Variants in MAPK13 observed in about 807,000 individuals in gnomAD.
MAPK13 encodes the protein MAP kinase 13.
MAPK13 carries 39 observed loss-of-function variants against 53.5 expected under a neutral mutation model. That is an observed-to-expected ratio of 0.73 (90% confidence interval 0.56 to 0.95). The LOEUF is 0.95. MAPK13 is among the 40% of genes least tolerant of loss of function. The probability of loss-of-function intolerance (pLI) is 0.00; values close to 1 mark genes in which losing one functional copy is unlikely to be tolerated. For missense variants in MAPK13, 460 were observed against 471.8 expected (o/e 0.98, Z 0.23); for synonymous variants, 179 against 190.9 (o/e 0.94, Z 0.51).
At position 36,139,854 on chromosome 6, in the gene MAPK13, T is replaced by C. The variant is rs1766501254; in HGVS notation, c.*481T>C. Reference sequence around the variant, plus strand: ...GAATCCTTCCTTGGCTCTTTTTAGCTTGTGGCGGCAGTGGGCAGTCCGTGG... The same window carrying C: ...GAATCCTTCCTTGGCTCTTTTTAGCCTGTGGCGGCAGTGGGCAGTCCGTGG... On this transcript the variant is annotated 3_prime_UTR_variant, in exon 12 of 12. Transcript: ENST00000211287. 6.2e-6 allele frequency: 1 copy of C among 161,144 alleles called. No homozygotes were observed. Among genetic ancestry groups the C allele is most frequent in the Admixed American group, 6.0e-5 (1 of 16,612 alleles). The allele number at this position is 161,144 out of a possible 1,614,324, so 10.0% of individuals were successfully genotyped here. A position where few individuals can be genotyped will look rare whatever the true frequency, so the allele number is the denominator to read the frequency against.
At chr6:36,139,185 G>A in intron 11 of MAPK13, 109 bp from the exon 12 acceptor site, 2 of 1,413,720 alleles carry the variant, frequency 1.4e-6, no homozygotes, top group Non-Finnish European at 2.0e-6. Flanking sequence ...TCTCCTGGGT[G>A]CTTCTTTCTC....
chr6:36,137,994 AATG>A (rs1029493930), intron 8 of MAPK13, among the ~76,000 whole-genome samples: 54 of 152,138 alleles, frequency 3.5e-4, no homozygotes, highest in Non-Finnish European at 5.4e-4. Flanking sequence ...AGATAAGCAA[AATG>A]ATGAAAAATT....
intron 3 of MAPK13, among the ~76,000 whole-genome samples, chr6:36,135,221 T>C (rs1766393410): frequency 6.6e-6 from 1 of 152,178 alleles, no homozygotes; most frequent in Non-Finnish European, 1.5e-5. Flanking sequence ...TTGCTGGCCT[T>C]ATCCTGTTGT....
chr6:36,134,143 C>T (rs919129165), intron 3 of MAPK13, among the ~76,000 whole-genome samples: 5 of 152,080 alleles, frequency 3.3e-5, no homozygotes, highest in African/African-American at 4.8e-5. Context: ...GTGGTTCTAG[C>T]ACAGAGAGGC....
chr6:36,140,124 T>TAGGAA lies in MAPK13; in HGVS notation c.*751_*752insAGGAA, dbSNP rs1766506358. The stretch of plus-strand genomic sequence containing the variant: ...CAGCTGGGAGGGAGGGGCCCCTTCC[T>TAGGAA]GGGCCCCGTGCTGAGGCCTTGTGCT... On this transcript the variant is annotated 3_prime_UTR_variant, in exon 12 of 12. Coordinates refer to ENST00000211287, the MANE Select transcript of MAPK13 (RefSeq NM_002754.5). The TAGGAA allele has an allele frequency of 6.6e-6, 1 of 152,276 alleles. No individual in the cohort carries two copies. The highest frequency in any genetic ancestry group is 2.4e-5 in the African/African-American group (1 of 41,478). The allele number at this position is 152,276 out of a possible 1,614,324, so 9.4% of individuals were successfully genotyped here.
Position 36,136,477 on chromosome 6 carries a change from C to G in MAPK13, c.448-7C>G, listed in dbSNP as rs1461004396. The G allele has an allele frequency of 6.3e-7, 1 of 1,587,034 alleles. No homozygotes were observed. Among genetic ancestry groups the G allele is most frequent in the African/African-American group, 1.4e-5 (1 of 73,876 alleles). On this transcript the variant is annotated splice_polypyrimidine_tract_variant and splice_region_variant and intron_variant, in intron 5 of 11. Coordinates refer to ENST00000211287, the MANE Select transcript of MAPK13 (RefSeq NM_002754.5). ...AGCCTAGCATGCATTCTCTGTCCTC[C>G]CCCCAGGACCTGAAGCCAGGCAACC...
intron 8 of MAPK13, 82 bp from the exon 9 acceptor site, chr6:36,138,283 G>C: frequency 1.9e-6 from 2 of 1,032,888 alleles, no homozygotes; most frequent in South Asian, 1.3e-5. Context: ...CATGGTGCCC[G>C]GGTGAAGTGA....
intron 2 of MAPK13, 137 bp from the exon 3 acceptor site, chr6:36,132,484 G>A (rs2127485794): frequency 1.4e-6 from 1 of 729,978 alleles, no homozygotes; most frequent in Non-Finnish European, 2.4e-6. Context: ...CTGCTTCCAA[G>A]AAGGTTGGAG....
At chr6:36,135,367 G>T (rs1766395523) in intron 3 of MAPK13, among the ~76,000 whole-genome samples, 1 of 152,306 alleles carries the variant, frequency 6.6e-6, no homozygotes, top group East Asian at 1.9e-4. Context: ...ATGACCCTCT[G>T]AGGGATCAAA....
At chr6:36,131,477 G>C (rs1766322513) in intron 2 of MAPK13, 77 bp downstream of exon 2, 4 of 1,436,354 alleles carry the variant, frequency 2.8e-6, no homozygotes, top group Non-Finnish European at 3.8e-6. Flanking sequence ...GGGCCTCCCG[G>C]TATGGAGAGC....
chr6:36,138,868 T>C lies in MAPK13; in HGVS notation c.842-11T>C, dbSNP rs376114126. The C allele has an allele frequency of 1.9e-6, 3 of 1,610,886 alleles. No homozygotes were observed. In the African/African-American group the frequency reaches 4.0e-5, roughly 22 times the overall value. On this transcript the variant is annotated splice_polypyrimidine_tract_variant and intron_variant, in intron 10 of 11. Transcript: ENST00000211287. ...GCCCCTGGTGTGAGGCTCTTGGCTC[T>C]GCCCCTGCAGCTGCGGACCTGCTGG...
intron 5 of MAPK13, 55 bp from the exon 6 acceptor site, chr6:36,136,429 A>G (rs1766417790): frequency 6.9e-7 from 1 of 1,443,088 alleles, no homozygotes; most frequent in Non-Finnish European, 9.4e-7. Flanking sequence ...TGGTGGAGCT[A>G]GGACAAGCTC....
rs1169484647 is a variant in MAPK13, at chr6:36,142,039, G to C, written c.*2666G>C. 2.0e-5 allele frequency: 3 copies of C among 152,382 alleles called. No individual in the cohort carries two copies. The highest frequency in any genetic ancestry group is 7.2e-5 in the African/African-American group (3 of 41,434). 9.4% of individuals were successfully genotyped at this position (152,382 alleles called of 1,614,324 possible). On this transcript the variant is annotated 3_prime_UTR_variant, in exon 12 of 12. Transcript: ENST00000211287. The surrounding 1 kb of genome is among the most constrained non-coding windows in gnomAD (Gnocchi z 4.4). ...CTCACTGCCCCAAGGAAAAAGTCTA[G>C]CCTTCCTTCTTGGCCTGGCATTCAA...
intron 1 of MAPK13, 127 bp from the exon 2 acceptor site, chr6:36,131,144 C>A: frequency 8.9e-7 from 1 of 1,123,118 alleles, no homozygotes; most frequent in East Asian, 2.7e-5. Context: ...TCCCGCGGCT[C>A]CCCCATATTC....
Position 36,130,708 on chromosome 6 carries a change from C to T in MAPK13, c.119+7C>T, listed in dbSNP as rs763734482. On this transcript the variant is annotated splice_region_variant and intron_variant, in intron 1 of 11. Transcript: ENST00000211287. This position sits in a 1 kb window ranked among gnomAD's most constrained non-coding sequence, Gnocchi z 4.5. ...GGGCCTATGGCTCCGTGTGGTGAGA[C>T]CCCTGGGCCGCTGGGGGGCGGGGGG... The T allele has an allele frequency of 4.0e-5, 52 of 1,303,290 alleles. No homozygotes were observed. Among genetic ancestry groups the T allele is most frequent in the Non-Finnish European group, 5.3e-5 (51 of 958,144 alleles). The allele number at this position is 1,303,290 out of a possible 1,614,324, so 80.7% of individuals were successfully genotyped here.
At chr6:36,131,428 G>C (rs1436049847) in intron 2 of MAPK13, 28 bp downstream of exon 2, 1 of 1,601,264 alleles carries the variant, frequency 6.2e-7, no homozygotes, top group South Asian at 1.1e-5. Flanking sequence ...CGGGGAGGGG[G>C]TGGGGGCTGC....
chr6:36,138,933 C>G lies in MAPK13; in HGVS notation c.896C>G (p.Ala299Gly). The G allele has an allele frequency of 1.2e-6, 2 of 1,612,658 alleles. No homozygotes were observed. The highest frequency in any genetic ancestry group is 3.4e-5 in the Admixed American group (2 of 59,588). Reference protein sequence around the residue: ...LELDVDKRLTAAQALTHPFFE... With the variant: ...LELDVDKRLTGAQALTHPFFE... ...CTAGACGTGGACAAGCGCCTGACGG[C>G]CGCGCAGGCCCTCACCCATCCCTTC... is the stretch of plus-strand genomic sequence containing the variant. Residue 299 changes from alanine (A) to glycine (G), a missense_variant, in exon 11 of 12, where the codon GCC (alanine) becomes GGC (glycine). By Grantham distance (60) the Ala-to-Gly change is moderately conservative. Coordinates refer to ENST00000211287, the MANE Select transcript of MAPK13 (RefSeq NM_002754.5).
At position 36,136,777 on chromosome 6, in the gene MAPK13, G is replaced by A; in HGVS notation, c.610+7G>A. On this transcript the variant is annotated splice_region_variant and intron_variant, in intron 7 of 11. Transcript: ENST00000211287. ...ATGCACTACAACCAGACAGGTCAGT[G>A]GTCAATGCCTGAGAGGGCGGTCCTG... The A allele has an allele frequency of 1.2e-6, 2 of 1,613,762 alleles. No individual in the cohort carries two copies. Among genetic ancestry groups the A allele is most frequent in the South Asian group, 1.1e-5 (1 of 91,028 alleles).
intron 3 of MAPK13, among the ~76,000 whole-genome samples, chr6:36,135,018 G>GA (rs913950139): frequency 2.0e-5 from 3 of 151,946 alleles, no homozygotes; most frequent in Admixed American, 2.0e-4. Context: ...CCATCTCAAA[G>GA]AAAAAAAGAA....
Sources: gnomAD v4.1 joint callset for allele counts (sites outside exome capture counted in the v4.1 genomes callset) on GRCh38, gnomAD v4.1.1 for gene constraint, Gnocchi (gnomAD v3.1) non-coding constraint, MANE v1.5 for transcripts, NCBI Gene and HGNC (gene_info 2026-07-23, HGNC 2026-07-21) for gene names.